Variants in RALGPS1 observed in about 807,000 individuals in gnomAD.
The protein encoded by RALGPS1 is ras-specific guanine nucleotide-releasing factor RalGPS1.
In RALGPS1, 19 loss-of-function variants were observed where a neutral mutation model predicts 78.8. That is an observed-to-expected ratio of 0.24 (90% CI 0.17 to 0.35). RALGPS1 has a LOEUF of 0.35. RALGPS1 is among the 10% of genes least tolerant of loss of function. The pLI is 1.00. For synonymous variants in RALGPS1, 228 were observed against 256.3 expected (o/e 0.89, Z 1.06); for missense variants, 454 against 688.3 (o/e 0.66, Z 3.81).
At chr9:127,051,973 T>G (rs1448363373) in intron 6 of RALGPS1, among the ~76,000 whole-genome samples, 1 of 152,184 alleles carries the variant, frequency 6.6e-6, no homozygotes, top group African/African-American at 2.4e-5. Flanking sequence ...CTGAGACTCA[T>G]ATTGTACTGA....
chr9:127,076,811 A>G (rs1457383974), intron 8 of RALGPS1, among the ~76,000 whole-genome samples: 1 of 152,218 alleles, frequency 6.6e-6, no homozygotes, highest in Non-Finnish European at 1.5e-5. Context: ...GAGCAAACCA[A>G]GGGGGCCCCA....
chr9:127,006,523 A>G (rs1422952213), intron 4 of RALGPS1, among the ~76,000 whole-genome samples: 7 of 152,216 alleles, frequency 4.6e-5, no homozygotes, highest in Admixed American at 3.9e-4. Flanking sequence ...GTGTTTCACA[A>G]TTCCACTGTT....
chr9:126,958,748 G>C (rs1388005854), intron 1 of RALGPS1, among the ~76,000 whole-genome samples: 1 of 152,102 alleles, frequency 6.6e-6, no homozygotes, highest in Non-Finnish European at 1.5e-5. Context: ...GTCTTTGTGT[G>C]GACATATGTT....
At chr9:127,087,093 A>G (rs2051846027) in intron 8 of RALGPS1, among the ~76,000 whole-genome samples, 1 of 152,158 alleles carries the variant, frequency 6.6e-6, no homozygotes, top group Non-Finnish European at 1.5e-5. Flanking sequence ...TGCTTGGAGG[A>G]TATCTGGTGG....
intron 7 of RALGPS1, among the ~76,000 whole-genome samples, chr9:127,057,401 A>T (rs1589246130): frequency 6.6e-6 from 1 of 152,202 alleles, no homozygotes; most frequent in African/African-American, 2.4e-5. Flanking sequence ...TGCATCACGG[A>T]TGACTTCCAG....
chr9:126,979,691 A>T (rs1012030356), intron 4 of RALGPS1, among the ~76,000 whole-genome samples: 2 of 152,162 alleles, frequency 1.3e-5, no homozygotes, highest in Non-Finnish European at 2.9e-5. Flanking sequence ...CCAGACCAAG[A>T]CTTTTCCCCA....
intron 1 of RALGPS1, among the ~76,000 whole-genome samples, chr9:126,953,070 A>G (rs1426928586): frequency 1.3e-5 from 2 of 152,154 alleles, no homozygotes; most frequent in Non-Finnish European, 2.9e-5. Flanking sequence ...AGTGGTCTGC[A>G]TTGGACTGTC....
At chr9:127,022,203 T>C (rs1396056761) in intron 4 of RALGPS1, among the ~76,000 whole-genome samples, 1 of 152,162 alleles carries the variant, frequency 6.6e-6, no homozygotes, top group Non-Finnish European at 1.5e-5. Flanking sequence ...CCAGGGGTTC[T>C]GGGGCCTCGG....
intron 8 of RALGPS1, among the ~76,000 whole-genome samples, chr9:127,143,638 T>A (rs1469740806): frequency 1.3e-5 from 2 of 152,194 alleles, no homozygotes; most frequent in Non-Finnish European, 2.9e-5. Context: ...AAACTATAAA[T>A]AGACTTGGTG....
chr9:127,090,404 C>A (rs1239351832), intron 8 of RALGPS1, among the ~76,000 whole-genome samples: 3 of 152,254 alleles, frequency 2.0e-5, no homozygotes, highest in Non-Finnish European at 4.4e-5. Context: ...GCCCCTACTG[C>A]TTCAGAATGA....
intron 14 of RALGPS1, among the ~76,000 whole-genome samples, chr9:127,200,693 C>G (rs918507467): frequency 1.3e-5 from 2 of 152,216 alleles, no homozygotes; most frequent in African/African-American, 4.8e-5. Context: ...TAGCTTTCAC[C>G]CTGGGAGCCA....
chr9:127,054,485 C>A (rs943443364), intron 7 of RALGPS1, among the ~76,000 whole-genome samples: 3 of 152,096 alleles, frequency 2.0e-5, no homozygotes, highest in African/African-American at 7.2e-5. Context: ...AAGGGTCTTG[C>A]GCAGAGATAC....
intron 8 of RALGPS1, among the ~76,000 whole-genome samples, chr9:127,151,237 C>T (rs372298681): frequency 2.0e-5 from 3 of 151,710 alleles, no homozygotes; most frequent in South Asian, 2.1e-4. Context: ...CTGCTGCTGC[C>T]GCCGGTCTGT....
At chr9:127,216,957 C>A in intron 18 of RALGPS1, 1 of 1,547,202 alleles carries the variant, frequency 6.5e-7, no homozygotes, top group Non-Finnish European at 8.7e-7. Flanking sequence ...CGAGGTGGAC[C>A]ACCTGGAGGG....
intron 7 of RALGPS1, among the ~76,000 whole-genome samples, chr9:127,057,503 G>A (rs890830668): frequency 6.6e-6 from 1 of 152,156 alleles, no homozygotes; most frequent in Non-Finnish European, 1.5e-5. Context: ...GCACAGGACC[G>A]ACTGACACTG....
chr9:127,106,053 T>TA (rs968890050), intron 8 of RALGPS1, among the ~76,000 whole-genome samples: 1 of 152,178 alleles, frequency 6.6e-6, no homozygotes, highest in African/African-American at 2.4e-5. Context: ...AACCAAGGGG[T>TA]AGAGCATGGA....
intron 14 of RALGPS1, 113 bp downstream of exon 14, chr9:127,199,179 C>T (rs1368795853): frequency 3.2e-6 from 3 of 946,610 alleles, no homozygotes; most frequent in Non-Finnish European, 5.2e-6. Context: ...CATGAGGCTG[C>T]TCTGTGGCTC....
chr9:127,021,645 T>C (rs1268806431), intron 4 of RALGPS1, among the ~76,000 whole-genome samples: 2 of 136,364 alleles, frequency 1.5e-5, no homozygotes, highest in Non-Finnish European at 3.3e-5. Context: ...TTTTTTTTTT[T>C]AAAGAGAACA....
At chr9:127,093,964 C>G in intron 8 of RALGPS1, 2 of 1,596,954 alleles carry the variant, frequency 1.3e-6, no homozygotes, top group African/African-American at 2.7e-5. Flanking sequence ...ACAGACCTGC[C>G]TGTCACCAGG....
Sources: gnomAD v4.1 joint callset for allele counts (sites outside exome capture counted in the v4.1 genomes callset) on GRCh38, gnomAD v4.1.1 for gene constraint, MANE v1.5 for transcripts, NCBI Gene and HGNC (gene_info 2026-07-23, HGNC 2026-07-21) for gene names.